The following PRAMEF1 variants were observed in gnomAD, a reference collection of about 807,000 sequenced individuals.
The protein encoded by PRAMEF1 is PRAME family member 1.
PRAMEF1 carries 21 observed loss-of-function variants against 38.2 expected under a neutral mutation model. That is an observed-to-expected ratio of 0.55 (90% CI 0.39 to 0.79). The LOEUF is 0.79. Among genes scored for constraint, PRAMEF1 ranks in the 30% least tolerant of loss-of-function variants. The pLI, the probability that PRAMEF1 is intolerant of heterozygous loss-of-function variation, is 0.00. For synonymous variants in PRAMEF1, 200 were observed against 229.0 expected, an observed-to-expected ratio of 0.87 and a Z score of 1.14; for missense variants, 497 against 565.8, an observed-to-expected ratio of 0.88 and a Z score of 1.23.
rs567645643 is a variant in PRAMEF1, at chr1:12,794,596, C to T, written c.866+103C>T. On this transcript the variant is annotated intron_variant, in intron 3 of 3. Coordinates refer to ENST00000332296, the MANE Select transcript of PRAMEF1 (RefSeq NM_023013.4). ...ACTGTGTGCCAGCCAGTGGCAACGTCACAGTGAAGGGGACATCAGAATGTC... is the reference window on the plus strand; with the variant it reads ...ACTGTGTGCCAGCCAGTGGCAACGTTACAGTGAAGGGGACATCAGAATGTC... 238 of 1,536,110 alleles carry T rather than the reference C, an allele frequency of 1.5e-4. 11 individuals are homozygous for T. In the African/African-American group the frequency reaches 2.4e-3, roughly 16 times the overall value.
chr1:12,795,938 C>G lies in PRAMEF1; in HGVS notation c.1367C>G (p.Pro456Arg), dbSNP rs141070565. 1.1e-5 allele frequency: 17 copies of G among 1,590,844 alleles called. No individual in the cohort carries two copies. The South Asian group carries it at 1.8e-4, about 17-fold the overall frequency. The change falls in exon 4 of 4, where the codon CCC (proline) becomes CGC (arginine). Residue 456 changes from proline to arginine, a missense_variant. This residue lies in a region of PRAMEF1 where 27 missense variants were observed against 63.9 expected (regional missense o/e 0.42). Transcript: ENST00000332296. The part of the protein sequence containing the change: ...QPKRIFIGPT[P>R]CPSCGSSPSE... The stretch of plus-strand genomic sequence containing the variant: ...AAGAGGATCTTCATTGGCCCCACCC[C>G]CTGCCCTTCCTGTGGCTCATCACCG...
At chr1:12,792,634 T>C (rs1427878421) in intron 1 of PRAMEF1, among the ~76,000 whole-genome samples, 3 of 151,326 alleles carry the variant, frequency 2.0e-5, no homozygotes, top group African/African-American at 7.3e-5. Flanking sequence ...TGGAGAGCAG[T>C]GGTGCGATCT....
In PRAMEF1 at chr1:12,795,580, C is replaced by G. The variant is rs748433603; in HGVS notation, c.1009C>G (p.Leu337Val). 6 of 1,612,104 alleles carry G rather than the reference C, an allele frequency of 3.7e-6. No individual in the cohort carries two copies. Among genetic ancestry groups the G allele is most frequent in the Non-Finnish European group, 5.1e-6 (6 of 1,179,782 alleles). ...CTACGTGCTGCTGTTCCGCATCAGT[C>G]TTGAACCCCTCGGAGCTCTGCTGGA... ...LSYVLLFRISLEPLGALLEKI... is the reference protein window; with the variant it reads ...LSYVLLFRISVEPLGALLEKI... Residue 337 changes from leucine (L) to valine (V), a missense_variant, in exon 4 of 4, where the codon CTT becomes GTT. This residue lies in a region of PRAMEF1 where 470 missense variants were observed against 501.9 expected (regional missense o/e 0.94). Coordinates refer to ENST00000332296, the MANE Select transcript of PRAMEF1 (RefSeq NM_023013.4).
At position 12,794,697 on chromosome 1, in the gene PRAMEF1, A is replaced by G. The variant is rs565973342; in HGVS notation, c.866+204A>G. Reference sequence around the variant, plus strand: ...TCGCTCCAATAAGGGGAGAGGCGTCACCTGGGGTAGAAGCTAGAGAGGGAC... The same window carrying G: ...TCGCTCCAATAAGGGGAGAGGCGTCGCCTGGGGTAGAAGCTAGAGAGGGAC... On this transcript the variant is annotated intron_variant, in intron 3 of 3. Coordinates refer to ENST00000332296, the MANE Select transcript of PRAMEF1 (RefSeq NM_023013.4). 526 of 1,429,658 alleles carry G rather than the reference A, an allele frequency of 3.7e-4. 14 individuals carry two copies. The African/African-American group carries it at 6.9e-3, about 19-fold the overall frequency. The allele number at this position is 1,429,658 out of a possible 1,614,324, so 88.6% of individuals were successfully genotyped here. A position where few individuals can be genotyped will look rare whatever the true frequency, so the allele number is the denominator to read the frequency against.
At chr1:12,792,665 C>G (rs1384814325) in intron 1 of PRAMEF1, among the ~76,000 whole-genome samples, 2 of 151,230 alleles carry the variant, frequency 1.3e-5, no homozygotes, top group African/African-American at 4.8e-5. Flanking sequence ...CAACTTCTGC[C>G]TTCTGGAGTC....
At position 12,796,177 on chromosome 1, in the gene PRAMEF1, T is replaced by C. The variant is rs1452178569; in HGVS notation, c.*181T>C. On this transcript the variant is annotated 3_prime_UTR_variant, in exon 4 of 4. Transcript: ENST00000332296. The stretch of plus-strand genomic sequence containing the variant: ...GGTTTCGCTGTGTTGCTCCAGCTGG[T>C]CTCAAACTGCTGGGCTTATGGGATC... 1 of 1,230,758 alleles carries C rather than the reference T, an allele frequency of 8.1e-7. No individual in the cohort carries two copies. The highest frequency in any genetic ancestry group is 1.1e-6 in the Non-Finnish European group (1 of 913,344). 76.2% of individuals were successfully genotyped at this position (1,230,758 alleles called of 1,614,324 possible). A position where few individuals can be genotyped will look rare whatever the true frequency, so the allele number is the denominator to read the frequency against.
chr1:12,796,575 T>A lies in PRAMEF1; in HGVS notation c.*579T>A, dbSNP rs2100304373. The A allele has an allele frequency of 6.5e-6, 1 of 154,924 alleles. No individual in the cohort carries two copies. Among genetic ancestry groups the A allele is most frequent in the Non-Finnish European group, 1.4e-5 (1 of 69,884 alleles). 9.6% of individuals were successfully genotyped at this position (154,924 alleles called of 1,614,324 possible). A position where few individuals can be genotyped will look rare whatever the true frequency, so the allele number is the denominator to read the frequency against. On this transcript the variant is annotated 3_prime_UTR_variant, in exon 4 of 4. Transcript: ENST00000332296. ...TAACGAAATACTAATTTGTCTGTGA[T>A]TGAGTTTCAGTTGTAGAACATCAAA...
chr1:12,795,803 C>T lies in PRAMEF1; in HGVS notation c.1232C>T (p.Thr411Met), dbSNP rs779715494. ...GGGCTGAGCAAGTTAAGCCTGGAGA[C>T]GTATCCTGCCCCTGAGGAGAGTTTG... ...TSGLSKLSLE[T>M]YPAPEESLNS... Residue 411 changes from threonine (T) to methionine (M), a missense_variant, in exon 4 of 4, where the codon ACG becomes ATG. Thr to Met is a moderately conservative substitution (Grantham distance 81). Around this residue, in one of 2 missense-constraint regions of PRAMEF1, gnomAD observed 470 missense variants for 501.9 expected, o/e 0.94. Transcript: ENST00000332296. 12 of 1,610,482 alleles carry T rather than the reference C, an allele frequency of 7.5e-6. No individual in the cohort carries two copies. The highest frequency in any genetic ancestry group is 2.2e-4 in the Middle Eastern group (1 of 4,446).
chr1:12,795,795 C>T lies in PRAMEF1; in HGVS notation c.1224C>T (p.Ser408=). The T allele has an allele frequency of 6.2e-7, 1 of 1,610,826 alleles. No homozygotes were observed. Among genetic ancestry groups the T allele is most frequent in the South Asian group, 1.1e-5 (1 of 90,880 alleles). The change falls in exon 4 of 4, where the codon AGC becomes AGT. Residue 408 remains serine, a synonymous_variant. Transcript: ENST00000332296. ...ACACCAGTGGGCTGAGCAAGTTAAG[C>T]CTGGAGACGTATCCTGCCCCTGAGG... is the stretch of plus-strand genomic sequence containing the variant. ...LRHTSGLSKL[S]LETYPAPEES... is the part of the protein sequence containing the mutation.
At chr1:12,795,408 T>C (rs1639377891) in intron 3 of PRAMEF1, 30 bp from the exon 4 acceptor site, 7 of 1,609,588 alleles carry the variant, frequency 4.3e-6, no homozygotes, top group Non-Finnish European at 5.9e-6. Context: ...CTGGTATCAC[T>C]GCCCAGAACT....
Position 12,795,302 on chromosome 1 carries a change from A to G in PRAMEF1, c.867-136A>G. On this transcript the variant is annotated intron_variant, in intron 3 of 3. Transcript: ENST00000332296. ...TGAACGATCAGGGTCCTCATCATGC[A>G]GCAACTTCCATGAGGACCATCATCA... 9 of 767,108 alleles carry G rather than the reference A, an allele frequency of 1.2e-5. No individual in the cohort carries two copies. In the South Asian group the frequency reaches 1.5e-4, roughly 13 times the overall value. 47.5% of individuals were successfully genotyped at this position (767,108 alleles called of 1,614,324 possible). A position where few individuals can be genotyped will look rare whatever the true frequency, so the allele number is the denominator to read the frequency against.
intron 3 of PRAMEF1, among the ~76,000 whole-genome samples, chr1:12,795,225 A>C (rs182144248): frequency 4.8e-4 from 73 of 150,836 alleles, no homozygotes; most frequent in East Asian, 1.4e-3. Flanking sequence ...ATGGCCTTGA[A>C]CCAATCACAC....
rs1249013526 is a variant in PRAMEF1 at position 12,793,329 on chromosome 1, G to T, written c.102G>T (p.Val34=). Residue 34 remains valine, a synonymous_variant, in exon 2 of 4, where the codon GTG becomes GTT. Transcript: ENST00000332296. ...SISAMEELPR[V]LYLPLFMEAF... ...CTGCCATGGAGGAGCTGCCCAGGGT[G>T]CTCTATCTCCCACTCTTCATGGAGG... 1 of 1,608,976 alleles carries T rather than the reference G, an allele frequency of 6.2e-7. No homozygotes were observed. The highest frequency in any genetic ancestry group is 8.5e-7 in the Non-Finnish European group (1 of 1,177,816).
chr1:12,792,299 T>G lies in PRAMEF1; in HGVS notation c.-26+825T>G, dbSNP rs2130972. Among the ~76,000 whole-genome samples, 524 of 151,292 alleles carry G rather than the reference T, an allele frequency of 3.5e-3. 14 individuals carry two copies. The highest frequency in any genetic ancestry group is 0.011 in the African/African-American group (469 of 41,374). The stretch of plus-strand genomic sequence containing the variant: ...AGACTCCCAAAGTGCTGGGATTACA[T>G]GAGTGAGCCACCGCGCCCAGCTACA... On this transcript the variant is annotated intron_variant, in intron 1 of 3. Coordinates refer to ENST00000332296, the MANE Select transcript of PRAMEF1 (RefSeq NM_023013.4).
In PRAMEF1 at chr1:12,794,381, G is replaced by C. The variant is rs1063776; in HGVS notation, c.754G>C (p.Glu252Gln). 230,761 of 1,610,250 alleles carry C rather than the reference G, an allele frequency of 0.14. 21,072 individuals are homozygous for C. The highest frequency in any genetic ancestry group is 0.17 in the East Asian group (7,750 of 44,414). ...CHHYTSDNEL[E>Q]GRLVAKFSSV... is the part of the protein sequence containing the mutation. ...TCATTACACGTCAGATAATGAACTC[G>C]AAGGACGGTTAGTTGCCAAATTCAG... Residue 252 changes from glutamate (E) to glutamine (Q), a missense_variant, in exon 3 of 4, where the codon GAA becomes CAA. Physicochemically the swap from Glu to Gln is conservative, Grantham distance 29. Around this residue, in one of 2 missense-constraint regions of PRAMEF1, gnomAD observed 470 missense variants for 501.9 expected, o/e 0.94. Transcript: ENST00000332296.
chr1:12,795,829 A>G lies in PRAMEF1; in HGVS notation c.1258A>G (p.Asn420Asp). 6.2e-7 allele frequency: 1 copy of G among 1,610,190 alleles called. No individual in the cohort carries two copies. The highest frequency in any genetic ancestry group is 8.5e-7 in the Non-Finnish European group (1 of 1,179,292). ...ETYPAPEESL[N>D]SLVRVNWEIF... ...GTATCCTGCCCCTGAGGAGAGTTTG[A>G]ATTCCTTGGTTCGTGTCAATTGGGA... The change falls in exon 4 of 4, where the codon AAT (asparagine) becomes GAT (aspartate). Residue 420 changes from asparagine (N) to aspartate (D), a missense_variant. By Grantham distance (23) the Asn-to-Asp change is conservative (BLOSUM62 1). This residue lies in a region of PRAMEF1 where 470 missense variants were observed against 501.9 expected (regional missense o/e 0.94). Coordinates refer to ENST00000332296, the MANE Select transcript of PRAMEF1 (RefSeq NM_023013.4).
rs747700776 is a variant in PRAMEF1, at chr1:12,795,806, A to G, written c.1235A>G (p.Tyr412Cys). ...SGLSKLSLET[Y>C]PAPEESLNSL... The stretch of plus-strand genomic sequence containing the variant: ...CTGAGCAAGTTAAGCCTGGAGACGT[A>G]TCCTGCCCCTGAGGAGAGTTTGAAT... Residue 412 changes from tyrosine (Y) to cysteine (C), a missense_variant, in exon 4 of 4, where the codon TAT becomes TGT. Around this residue, in one of 2 missense-constraint regions of PRAMEF1, gnomAD observed 470 missense variants for 501.9 expected, o/e 0.94. Coordinates refer to ENST00000332296, the MANE Select transcript of PRAMEF1 (RefSeq NM_023013.4). 4 of 1,610,694 alleles carry G rather than the reference A, an allele frequency of 2.5e-6. No individual in the cohort carries two copies. Among genetic ancestry groups the G allele is most frequent in the Non-Finnish European group, 3.4e-6 (4 of 1,179,386 alleles).
rs2790782 is a variant in PRAMEF1 at position 12,794,131 on chromosome 1, C to T, written c.504C>T (p.Phe168=). The change falls in exon 3 of 4, where the codon TTC becomes TTT. Residue 168 remains phenylalanine (F), a synonymous_variant. Transcript: ENST00000332296. ...IPQDECLRYL[F]QWVYQRRGLV... ...AGGATGAATGCCTGAGATACCTCTTCCAGTGGGTTTACCAAAGGAGAGGTT... is the reference window on the plus strand; with the variant it reads ...AGGATGAATGCCTGAGATACCTCTTTCAGTGGGTTTACCAAAGGAGAGGTT... 18 of 1,610,416 alleles carry T rather than the reference C, an allele frequency of 1.1e-5. No individual in the cohort carries two copies. Among genetic ancestry groups the T allele is most frequent in the Middle Eastern group, 2.0e-4 (1 of 5,018 alleles).
chr1:12,794,965 G>C, intron 3 of PRAMEF1: 1 of 1,322,632 alleles, frequency 7.6e-7, no homozygotes, highest in Non-Finnish European at 1.0e-6. Flanking sequence ...TGAACTCCAG[G>C]AAAGGTAATT....
Sources: allele counts gnomAD v4.1 joint callset (sites outside exome capture counted in the v4.1 genomes callset), GRCh38; gene constraint gnomAD v4.1.1; regional missense constraint gnomAD v4.1.1; transcripts MANE v1.5; gene names NCBI Gene and HGNC (gene_info 2026-07-23, HGNC 2026-07-21).